ILDR1: variants seen among roughly 807,000 people sequenced by gnomAD.
ILDR1 encodes immunoglobulin like domain containing receptor 1.
In ILDR1, 56 loss-of-function variants were observed where a neutral mutation model predicts 62.4. The ratio of observed to expected loss-of-function variants is 0.90; its 90% CI spans 0.72 to 1.12. ILDR1 has a LOEUF of 1.12. Among genes scored for constraint, ILDR1 ranks in the 50% most tolerant of loss-of-function variants. ILDR1 has a pLI of 0.00. For synonymous variants in ILDR1, 284 were observed against 277.8 expected (o/e 1.02, Z -0.22); for missense variants, 736 against 710.6 (o/e 1.04, Z -0.41).
At position 121,993,528 on chromosome 3, in the gene ILDR1, C is replaced by G; in HGVS notation, c.1221G>C (p.Arg407Ser). The change falls in exon 7 of 8, where the codon AGG becomes AGC. Residue 407 changes from arginine (R) to serine (S), a missense_variant. Arg to Ser is a moderately radical substitution (Grantham distance 110). Transcript: ENST00000344209. ...ACCAGTGTATGGGTGACCCATTCAG[C>G]CTAGAGCTACGGTGCCTTCCACTCC... ...PSWSGRHRSSRLNGSPIHWSD... is the reference protein window; with the variant it reads ...PSWSGRHRSSSLNGSPIHWSD... 2 of 1,614,246 alleles carry G rather than the reference C, an allele frequency of 1.2e-6. No individual in the cohort carries two copies. The highest frequency in any genetic ancestry group is 2.2e-5 in the South Asian group (2 of 91,080).
upstream of ILDR1, chr3:122,025,301 A>G (rs1333978867): frequency 2.6e-5 from 4 of 152,240 alleles, no homozygotes; most frequent in African/African-American, 4.8e-5. Context: ...CGCTCAAACT[A>G]GCTTCCAAGC....
Position 121,993,355 on chromosome 3 carries a change from T to TGCCTG in ILDR1, c.1389_1393dup (p.His465ProfsTer117). 2.5e-6 allele frequency: 4 copies of TGCCTG among 1,609,914 alleles called. No homozygotes were observed. The highest frequency in any genetic ancestry group is 2.5e-6 in the Non-Finnish European group (3 of 1,176,814). ...GGGCAAGGGAGGAGAGTAGCTGCGG[T>TGCCTG]GCCTGCGTCGTCTCCCGTGCCTCTG... On this transcript the variant is annotated frameshift_variant, in exon 7 of 8. Coordinates refer to ENST00000344209, the MANE Select transcript of ILDR1 (RefSeq NM_001199799.2). LOFTEE classifies it high-confidence loss of function.
chr3:122,055,435 C>T, the ILDR1 span: 2 of 1,587,448 alleles, frequency 1.3e-6, no homozygotes, highest in Admixed American at 3.3e-5. Context: ...CTAGCACAGA[C>T]ACACGGATGA....
chr3:121,992,728 T>C (rs1381042932), intron 7 of ILDR1, among the ~76,000 whole-genome samples: 2 of 152,146 alleles, frequency 1.3e-5, no homozygotes, highest in Admixed American at 1.3e-4. Flanking sequence ...GTGTTCTAAT[T>C]TGGGGTATGG....
chr3:121,996,529 T>A (rs2107648869), intron 5 of ILDR1, among the ~76,000 whole-genome samples: 1 of 152,286 alleles, frequency 6.6e-6, no homozygotes, highest in Non-Finnish European at 1.5e-5. Flanking sequence ...CTATCAGGGG[T>A]ATCTGTTGCT....
At chr3:121,989,245 G>A (rs576080128) in intron 7 of ILDR1, among the ~76,000 whole-genome samples, 2 of 152,148 alleles carry the variant, frequency 1.3e-5, no homozygotes, top group African/African-American at 4.8e-5. Context: ...TCAAAATACT[G>A]CAGGATAAAT....
chr3:122,027,482 G>A, the ILDR1 span, among the ~76,000 whole-genome samples: 51 of 152,274 alleles, frequency 3.3e-4, no homozygotes, highest in African/African-American at 1.2e-3. Flanking sequence ...GAGCCACTGC[G>A]CCTGGCCTGA....
At chr3:122,054,165 T>C in the ILDR1 span, among the ~76,000 whole-genome samples, 1 of 152,234 alleles carries the variant, frequency 6.6e-6, no homozygotes, top group Non-Finnish European at 1.5e-5. Context: ...TAAACTTCCT[T>C]GAAATAATAT....
At chr3:122,047,625 T>G in the ILDR1 span, among the ~76,000 whole-genome samples, 1 of 152,050 alleles carries the variant, frequency 6.6e-6, no homozygotes. Flanking sequence ...GGTTCGCCGT[T>G]TTTTAAGCCG....
At chr3:122,051,843 AT>A in the ILDR1 span, among the ~76,000 whole-genome samples, 1 of 151,844 alleles carries the variant, frequency 6.6e-6, no homozygotes. Flanking sequence ...CCTCTCAAAC[AT>A]TTTCTGTGGA....
chr3:122,050,640 G>GTT, the ILDR1 span, among the ~76,000 whole-genome samples: 1,582 of 150,610 alleles, frequency 0.011, 37 homozygotes, highest in African/African-American at 0.037. Context: ...CTATGCTTTT[G>GTT]TTTTTTTTAA....
chr3:122,041,656 A>T, the ILDR1 span, among the ~76,000 whole-genome samples: 1 of 152,208 alleles, frequency 6.6e-6, no homozygotes, highest in South Asian at 2.1e-4. Flanking sequence ...GTTTTTAAGA[A>T]ATTTTGGTGC....
chr3:121,989,217 A>G (rs1275016817), intron 7 of ILDR1, among the ~76,000 whole-genome samples: 1 of 152,206 alleles, frequency 6.6e-6, no homozygotes, highest in Non-Finnish European at 1.5e-5. Context: ...AGTGAGTTTT[A>G]GGGGTCATGA....
intron 1 of ILDR1, among the ~76,000 whole-genome samples, chr3:122,016,051 G>A (rs2071772384): frequency 6.6e-6 from 1 of 152,108 alleles, no homozygotes; most frequent in Non-Finnish European, 1.5e-5. Context: ...ATGCACATCT[G>A]GTCCTACCCA....
At chr3:122,009,959 T>C (rs983395424) in intron 1 of ILDR1, among the ~76,000 whole-genome samples, 3 of 152,196 alleles carry the variant, frequency 2.0e-5, no homozygotes, top group African/African-American at 7.2e-5. Context: ...AGATGCCCCA[T>C]GGCAGATGTG....
chr3:122,046,417 G>T, the ILDR1 span, among the ~76,000 whole-genome samples: 1 of 148,978 alleles, frequency 6.7e-6, no homozygotes, highest in Non-Finnish European at 1.5e-5. Context: ...TCTTCTCGAG[G>T]AGTATCTTTG....
At chr3:122,015,851 GCTA>G (rs2107676271) in intron 1 of ILDR1, among the ~76,000 whole-genome samples, 1 of 152,160 alleles carries the variant, frequency 6.6e-6, no homozygotes, top group Non-Finnish European at 1.5e-5. Context: ...CCTAGCACAA[GCTA>G]CTATTATGTC....
the ILDR1 span, among the ~76,000 whole-genome samples, chr3:122,047,177 C>A: frequency 9.1e-4 from 136 of 149,994 alleles, no homozygotes; most frequent in Non-Finnish European, 1.6e-3. Context: ...AATACCCTGC[C>A]GTGTGAGGTG....
chr3:122,039,668 TGTATAATATGG>T, the ILDR1 span, among the ~76,000 whole-genome samples: 1 of 152,088 alleles, frequency 6.6e-6, no homozygotes, highest in African/African-American at 2.4e-5. Context: ...AGAAATATGA[TGTATAATATGG>T]GTTAGAAACT....
Sources: allele counts gnomAD v4.1 joint callset (sites outside exome capture counted in the v4.1 genomes callset), GRCh38; gene constraint gnomAD v4.1.1; transcripts MANE v1.5; gene names NCBI Gene and HGNC (gene_info 2026-07-23, HGNC 2026-07-21).